Variants in ZNF423 observed in about 807,000 individuals in gnomAD.
ZNF423 encodes the protein Ebf-associated zinc finger protein.
Under a neutral mutation model 95.8 loss-of-function variants are expected in ZNF423, and 12 were observed. The observed-to-expected ratio is 0.13, with a 90% confidence interval of 0.08 to 0.20. The LOEUF (loss-of-function observed/expected upper bound fraction) is 0.20, where lower values mean the gene tolerates loss of function less well. Ranked by LOEUF, ZNF423 falls within the 10% of genes least tolerant of loss-of-function variation. ZNF423 has a pLI of 1.00. For missense variants in ZNF423, 1,316 were observed against 1,737.1 expected, an observed-to-expected ratio of 0.76 and a Z score of 4.31; for synonymous variants, 749 against 711.9, an observed-to-expected ratio of 1.05 and a Z score of -0.83.
intron 5 of ZNF423, among the ~76,000 whole-genome samples, chr16:49,575,945 G>C (rs1451972304): frequency 6.6e-6 from 1 of 152,118 alleles, no homozygotes; most frequent in Non-Finnish European, 1.5e-5. Context: ...AGAAGCAAAG[G>C]CCAAACTCTG....
Position 49,590,709 on chromosome 16 carries a change from G to A in ZNF423, c.3601+35461C>T, listed in dbSNP as rs149131187. Among the ~76,000 whole-genome samples the A allele has an allele frequency of 3.0e-4, 46 of 152,188 alleles. No homozygotes were observed. In the East Asian group the frequency reaches 8.2e-3, roughly 27 times the overall value. The stretch of plus-strand genomic sequence containing the variant: ...CCCTGTTTCATGAGTTAGCCCCAGC[G>A]TCCCCCGCCTGCTCACAGAACCAGG... On this transcript the variant is annotated intron_variant, in intron 5 of 7. Transcript: ENST00000563137.
At chr16:49,515,134 C>T (rs1968083401) in intron 7 of ZNF423, among the ~76,000 whole-genome samples, 1 of 152,266 alleles carries the variant, frequency 6.6e-6, no homozygotes, top group Non-Finnish European at 1.5e-5. Flanking sequence ...TAAGCCAAAC[C>T]CATCCTGATG....
intron 5 of ZNF423, among the ~76,000 whole-genome samples, chr16:49,591,418 A>T (rs1478702008): frequency 6.6e-6 from 1 of 152,176 alleles, no homozygotes; most frequent in East Asian, 1.9e-4. Context: ...CTGAAAACTA[A>T]ACATAAATAT....
chr16:49,544,997 T>TG, intron 5 of ZNF423, among the ~76,000 whole-genome samples: 1 of 152,366 alleles, frequency 6.6e-6, no homozygotes, highest in East Asian at 1.9e-4. Context: ...CTCATCACAG[T>TG]GGCACTATGG....
At chr16:49,847,234 T>C (rs1477490789) in intron 1 of ZNF423, 1 of 152,186 alleles carries the variant, frequency 6.6e-6, no homozygotes, top group Admixed American at 6.5e-5. Context: ...GGGCCCAAGA[T>C]GGTCTAGAAA....
At chr16:49,592,498 G>A (rs1971040794) in intron 5 of ZNF423, among the ~76,000 whole-genome samples, 1 of 152,216 alleles carries the variant, frequency 6.6e-6, no homozygotes. Flanking sequence ...TCTTAATGCA[G>A]GCTCCCCTAA....
intron 2 of ZNF423, among the ~76,000 whole-genome samples, chr16:49,735,496 C>A (rs190047989): frequency 9.9e-5 from 15 of 152,168 alleles, no homozygotes. Context: ...TGCAGGGAGA[C>A]CTTGACTCCC....
In ZNF423 at chr16:49,853,168, A is replaced by G. The variant is rs117632302; in HGVS notation, c.40+2567T>C. Among the ~76,000 whole-genome samples, 1,353 of 152,280 alleles carry G rather than the reference A, an allele frequency of 8.9e-3. 52 individuals carry two copies. The highest frequency in any genetic ancestry group is 0.069 in the Admixed American group (1,058 of 15,288). On this transcript the variant is annotated intron_variant, in intron 1 of 7. Transcript: ENST00000563137. ...AAAATAAAATAAAATAAAATGTAAA[A>G]GACACCGCTGTTCCTTAAGAAGCAC...
At chr16:49,557,068 C>A (rs1260574561) in intron 5 of ZNF423, among the ~76,000 whole-genome samples, 2 of 152,236 alleles carry the variant, frequency 1.3e-5, no homozygotes, top group Admixed American at 6.5e-5. Context: ...CCCGCTGTCA[C>A]ACAAGGCGGG....
chr16:49,665,668 C>A (rs2030503794), intron 3 of ZNF423, among the ~76,000 whole-genome samples: 1 of 152,172 alleles, frequency 6.6e-6, no homozygotes, highest in Admixed American at 6.5e-5. Flanking sequence ...GCCCTGGTAG[C>A]ACCGCCCCCC....
At chr16:49,520,798 G>A (rs1968365371) in intron 7 of ZNF423, among the ~76,000 whole-genome samples, 1 of 152,140 alleles carries the variant, frequency 6.6e-6, no homozygotes, top group Non-Finnish European at 1.5e-5. Flanking sequence ...ACACTCCAAT[G>A]CCTGAAAAAC....
chr16:49,525,553 C>A lies in ZNF423; in HGVS notation c.3602-59G>T. The A allele has an allele frequency of 2.5e-6, 4 of 1,604,688 alleles. No individual in the cohort carries two copies. In the South Asian group the frequency reaches 4.5e-5, roughly 18 times the overall value. ...GCATGCCATGTCCCCCAGACAGGTG[C>A]TCACAAGGCCTCCCATAGACCCCAG... is the stretch of plus-strand genomic sequence containing the variant. On this transcript the variant is annotated intron_variant, in intron 5 of 7. Coordinates refer to ENST00000563137, the MANE Select transcript of ZNF423 (RefSeq NM_001379286.1).
At chr16:49,640,532 G>C (rs1596772203) in intron 3 of ZNF423, among the ~76,000 whole-genome samples, 1 of 152,134 alleles carries the variant, frequency 6.6e-6, no homozygotes, top group Non-Finnish European at 1.5e-5. Context: ...AGGCTGATTG[G>C]GGGGTCTTGA....
At chr16:49,499,033 C>T (rs1967274084) in intron 7 of ZNF423, among the ~76,000 whole-genome samples, 2 of 152,206 alleles carry the variant, frequency 1.3e-5, no homozygotes, top group Admixed American at 6.5e-5. Context: ...AGTCAATCCC[C>T]CGGGGCCCAG....
chr16:49,754,548 C>T (rs1158508514), intron 2 of ZNF423, among the ~76,000 whole-genome samples: 1 of 152,158 alleles, frequency 6.6e-6, no homozygotes, highest in East Asian at 1.9e-4. Context: ...GAAGAGGCTT[C>T]CAGGTCCTCT....
intron 1 of ZNF423, among the ~76,000 whole-genome samples, chr16:49,843,023 T>A (rs1229809041): frequency 1.3e-5 from 2 of 150,422 alleles, no homozygotes; most frequent in African/African-American, 4.9e-5. Flanking sequence ...CATCATCACA[T>A]ACGGGCAAGG....
Position 49,509,984 on chromosome 16 carries a change from C to T in ZNF423, c.3849+13640G>A, listed in dbSNP as rs181872544. Among the ~76,000 whole-genome samples, 16 of 152,358 alleles carry T rather than the reference C, an allele frequency of 1.1e-4. No individual in the cohort carries two copies. In the East Asian group the frequency reaches 1.7e-3, roughly 17 times the overall value. On this transcript the variant is annotated intron_variant, in intron 7 of 7. Transcript: ENST00000563137. The stretch of plus-strand genomic sequence containing the variant: ...GCCTGGTTGGTGGTGGTGCTACCAT[C>T]GTCCTTCACCTTGCCTCTTACCACC...
At chr16:49,843,606 G>A (rs1206511571) in intron 1 of ZNF423, among the ~76,000 whole-genome samples, 1 of 152,174 alleles carries the variant, frequency 6.6e-6, no homozygotes, top group Non-Finnish European at 1.5e-5. Flanking sequence ...GGAAACTGAG[G>A]CCCATAGAAG....
chr16:49,660,783 C>A (rs367952882), intron 3 of ZNF423, among the ~76,000 whole-genome samples: 1 of 152,032 alleles, frequency 6.6e-6, no homozygotes, highest in Non-Finnish European at 1.5e-5. Flanking sequence ...CAGCCTGAAT[C>A]CCAGAGAAAT....
Sources: allele counts gnomAD v4.1 joint callset (sites outside exome capture counted in the v4.1 genomes callset), GRCh38; gene constraint gnomAD v4.1.1; transcripts MANE v1.5; gene names NCBI Gene and HGNC (gene_info 2026-07-23, HGNC 2026-07-21).